NREP: variants seen among roughly 807,000 people sequenced by gnomAD.
NREP encodes neuronal regeneration related protein, also known as neuronal regeneration-related protein.
Under a neutral mutation model 8.6 loss-of-function variants are expected in NREP, and 5 were observed. That is an observed-to-expected ratio of 0.58 (90% CI 0.30 to 1.22). The LOEUF is 1.22. NREP is among the 50% of genes most tolerant of loss of function. The probability of loss-of-function intolerance (pLI) is 0.07; values close to 1 mark genes in which losing one functional copy is unlikely to be tolerated. For synonymous variants in NREP, 27 were observed against 28.0 expected, an observed-to-expected ratio of 0.96 and a Z score of 0.11; for missense variants, 86 against 82.5, an observed-to-expected ratio of 1.04 and a Z score of -0.17.
At chr5:111,751,914 T>C (rs1581078987) in intron 2 of NREP, among the ~76,000 whole-genome samples, 1 of 152,096 alleles carries the variant, frequency 6.6e-6, no homozygotes, top group South Asian at 2.1e-4. Flanking sequence ...AAAAAAAATG[T>C]AGGACCACGA....
intron 1 of NREP, chr5:111,976,625 A>T: frequency 1.8e-6 from 2 of 1,113,922 alleles, no homozygotes; most frequent in Non-Finnish European, 2.6e-6. Context: ...GAGGTCAGTG[A>T]GGCAGAGACA....
chr5:111,884,378 C>A (rs564038855), intron 2 of NREP, among the ~76,000 whole-genome samples: 1 of 151,840 alleles, frequency 6.6e-6, no homozygotes, highest in Non-Finnish European at 1.5e-5. Context: ...GATTCACAGC[C>A]GGATTCTACC....
intron 2 of NREP, among the ~76,000 whole-genome samples, chr5:111,899,883 C>G (rs1754601185): frequency 6.6e-6 from 1 of 152,148 alleles, no homozygotes; most frequent in Non-Finnish European, 1.5e-5. Context: ...TTCAACATCC[C>G]ACTTTCAGTA....
chr5:111,902,150 T>G (rs1301710581), intron 2 of NREP, among the ~76,000 whole-genome samples: 1 of 152,106 alleles, frequency 6.6e-6, no homozygotes, highest in African/African-American at 2.4e-5. Flanking sequence ...TCTATATATT[T>G]TCAGCCAACT....
rs780468498 is a variant in NREP, at chr5:111,755,732, A to G, written c.3+38T>C. ...GATATTTATATGTAACAGACTGGTAAGAAGTACTGAGAATCTCCTCTGATG... is the reference window on the plus strand; with the variant it reads ...GATATTTATATGTAACAGACTGGTAGGAAGTACTGAGAATCTCCTCTGATG... On this transcript the variant is annotated intron_variant, in intron 2 of 3. Coordinates refer to ENST00000257435, the MANE Select transcript of NREP (RefSeq NM_004772.4). The G allele has an allele frequency of 5.0e-6, 8 of 1,608,856 alleles. No individual in the cohort carries two copies. The Admixed American group carries it at 8.3e-5, about 17-fold the overall frequency.
intron 2 of NREP, among the ~76,000 whole-genome samples, chr5:111,808,506 T>A (rs2112911489): frequency 6.6e-6 from 1 of 152,338 alleles, no homozygotes; most frequent in East Asian, 1.9e-4. Context: ...AGAATAACAA[T>A]CCTAACCTTT....
At chr5:111,766,391 CA>C (rs1158065821) in intron 2 of NREP, among the ~76,000 whole-genome samples, 1 of 152,166 alleles carries the variant, frequency 6.6e-6, no homozygotes, top group Admixed American at 6.6e-5. Context: ...ATCAAAACGT[CA>C]GTGCCTTAAA....
At chr5:111,787,705 A>G (rs993319852) in intron 2 of NREP, among the ~76,000 whole-genome samples, 1 of 152,136 alleles carries the variant, frequency 6.6e-6, no homozygotes. Flanking sequence ...AATATTTTTG[A>G]GGATGTTCTT....
intron 2 of NREP, among the ~76,000 whole-genome samples, chr5:111,918,692 C>A (rs1441712802): frequency 6.6e-6 from 1 of 152,110 alleles, no homozygotes; most frequent in Non-Finnish European, 1.5e-5. Context: ...CTTCCTTATA[C>A]CTTATACAAA....
At chr5:111,891,603 T>G (rs775278544) in intron 2 of NREP, among the ~76,000 whole-genome samples, 2 of 152,174 alleles carry the variant, frequency 1.3e-5, no homozygotes, top group Admixed American at 1.3e-4. Flanking sequence ...TAAGAAAAGA[T>G]GTTTAATTGG....
intron 2 of NREP, among the ~76,000 whole-genome samples, chr5:111,900,853 T>C (rs1754630218): frequency 1.3e-5 from 2 of 152,210 alleles, no homozygotes; most frequent in South Asian, 2.1e-4. Context: ...ACATCAATTC[T>C]TCTCAACTAT....
intron 2 of NREP, among the ~76,000 whole-genome samples, chr5:111,892,694 G>A (rs1023829864): frequency 6.6e-5 from 10 of 152,064 alleles, no homozygotes; most frequent in Non-Finnish European, 1.2e-4. Flanking sequence ...GTTTGCCTAC[G>A]ATCTAATATA....
intron 2 of NREP, among the ~76,000 whole-genome samples, chr5:111,900,298 T>C (rs2112546969): frequency 6.6e-6 from 1 of 151,680 alleles, no homozygotes; most frequent in Non-Finnish European, 1.5e-5. Context: ...CTGAGAGAGA[T>C]GATAGCAATA....
At chr5:111,785,374 G>T (rs907829103) in intron 2 of NREP, among the ~76,000 whole-genome samples, 1 of 152,110 alleles carries the variant, frequency 6.6e-6, no homozygotes. Context: ...CACCTCCTGG[G>T]TTCAAGCAAT....
rs533417572 is a variant in NREP at position 111,959,027 on chromosome 5, A to T, written c.135+16247T>A. Among the ~76,000 whole-genome samples the T allele has an allele frequency of 3.9e-5, 6 of 152,124 alleles. No homozygotes were observed. The East Asian group carries it at 7.7e-4, about 20-fold the overall frequency. On this transcript the variant is annotated intron_variant, in intron 2 of 3. Coordinates refer to the NREP transcript ENST00000395634. Reference sequence around the variant, plus strand: ...TGGTTTTCAGAAAGAAAAAAAAATTATATTTCTACCTCATACAAGAAAAAA... The same window carrying T: ...TGGTTTTCAGAAAGAAAAAAAAATTTTATTTCTACCTCATACAAGAAAAAA...
chr5:111,901,352 C>G (rs1754642114), intron 2 of NREP, among the ~76,000 whole-genome samples: 1 of 152,112 alleles, frequency 6.6e-6, no homozygotes, highest in Non-Finnish European at 1.5e-5. Context: ...TGATATATGA[C>G]AAACTCACAG....
intron 2 of NREP, among the ~76,000 whole-genome samples, chr5:111,768,087 G>C (rs1751128055): frequency 6.6e-6 from 1 of 152,136 alleles, no homozygotes; most frequent in African/African-American, 2.4e-5. Context: ...GAAATCTATA[G>C]GATAATATGC....
chr5:111,970,966 G>A (rs934567177), intron 2 of NREP, among the ~76,000 whole-genome samples: 2 of 152,030 alleles, frequency 1.3e-5, no homozygotes, highest in Non-Finnish European at 2.9e-5. Flanking sequence ...TACCTAGGGA[G>A]CTTGTTAAAA....
chr5:111,932,387 CAT>C (rs1445244044), intron 2 of NREP, among the ~76,000 whole-genome samples: 14 of 152,184 alleles, frequency 9.2e-5, no homozygotes. Context: ...CTCAAAATAA[CAT>C]AGCCATCCCA....
Sources: gnomAD v4.1 joint callset for allele counts (sites outside exome capture counted in the v4.1 genomes callset) on GRCh38, gnomAD v4.1.1 for gene constraint, MANE v1.5 for transcripts, NCBI Gene and HGNC (gene_info 2026-07-23, HGNC 2026-07-21) for gene names.